The following SGIP1 variants were observed in gnomAD, a reference collection of about 807,000 sequenced individuals.
SGIP1 encodes SH3-containing GRB2-like protein 3-interacting protein 1.
In SGIP1, 38 loss-of-function variants were observed where a neutral mutation model predicts 107.5. The ratio of observed to expected loss-of-function variants is 0.35; its 90% CI spans 0.27 to 0.46. SGIP1 has a LOEUF of 0.46. Ranked by LOEUF, SGIP1 falls within the 20% of genes least tolerant of loss-of-function variation. SGIP1 has a pLI of 1.00. For synonymous variants in SGIP1, 365 were observed against 366.1 expected (o/e 1.00, Z 0.03); for missense variants, 929 against 1,019.5 (o/e 0.91, Z 1.21).
At chr1:66,557,636 T>G (rs938897181) in intron 1 of SGIP1, among the ~76,000 whole-genome samples, 2 of 151,880 alleles carry the variant, frequency 1.3e-5, no homozygotes, top group Non-Finnish European at 2.9e-5. Context: ...TAGGGAGGAG[T>G]AGGTAACGAA....
At chr1:66,725,305 T>C (rs1436348637) in intron 19 of SGIP1, among the ~76,000 whole-genome samples, 1 of 152,206 alleles carries the variant, frequency 6.6e-6, no homozygotes, top group East Asian at 1.9e-4. Flanking sequence ...TTAAGCTATT[T>C]TGAATGTATG....
chr1:66,541,915 T>G (rs78683273), intron 1 of SGIP1, among the ~76,000 whole-genome samples: 24,732 of 152,124 alleles, frequency 0.16, 2,187 homozygotes, highest in East Asian at 0.35. Context: ...ATGTCCCCCT[T>G]CTTCAGAAGC....
chr1:66,658,475 C>T (rs1227368020), intron 7 of SGIP1, among the ~76,000 whole-genome samples: 1 of 152,048 alleles, frequency 6.6e-6, no homozygotes, highest in Non-Finnish European at 1.5e-5. Flanking sequence ...ACTGAGGACA[C>T]ATAGCTTGTG....
At chr1:66,540,121 A>C (rs1230286512) in intron 1 of SGIP1, among the ~76,000 whole-genome samples, 1 of 152,256 alleles carries the variant, frequency 6.6e-6, no homozygotes, top group African/African-American at 2.4e-5. Flanking sequence ...AAAATGCTCA[A>C]ATATGTATTC....
chr1:66,582,807 A>T (rs200322294), intron 1 of SGIP1, among the ~76,000 whole-genome samples: 2 of 151,884 alleles, frequency 1.3e-5, no homozygotes, highest in East Asian at 3.9e-4. Flanking sequence ...CACCTTGAAC[A>T]ATTTAGGATT....
At chr1:66,676,155 T>C (rs1040383806) in intron 12 of SGIP1, among the ~76,000 whole-genome samples, 1 of 152,222 alleles carries the variant, frequency 6.6e-6, no homozygotes, top group Non-Finnish European at 1.5e-5. Flanking sequence ...ATCTCCACTT[T>C]ACACTAAAGG....
At chr1:66,702,389 G>C (rs1480076665) in intron 18 of SGIP1, among the ~76,000 whole-genome samples, 1 of 152,148 alleles carries the variant, frequency 6.6e-6, no homozygotes, top group African/African-American at 2.4e-5. Flanking sequence ...ACGTGATCTT[G>C]AGCATTTAAT....
At chr1:66,689,382 G>T in intron 16 of SGIP1, 107 bp downstream of exon 16, 2 of 1,388,272 alleles carry the variant, frequency 1.4e-6, no homozygotes, top group Non-Finnish European at 9.7e-7. Flanking sequence ...AAACAACCCT[G>T]ACAGGTGGCA....
At chr1:66,600,799 G>A (rs987620104) in intron 1 of SGIP1, among the ~76,000 whole-genome samples, 1 of 152,206 alleles carries the variant, frequency 6.6e-6, no homozygotes, top group Non-Finnish European at 1.5e-5. Flanking sequence ...GCAGGGGCAT[G>A]ACATGATTAG....
At chr1:66,625,530 C>T (rs11208931) in intron 1 of SGIP1, among the ~76,000 whole-genome samples, 22,575 of 152,220 alleles carry the variant, frequency 0.15, 2,197 homozygotes, top group East Asian at 0.46. Flanking sequence ...ATTTGGCTTC[C>T]TGGCAGAACC....
chr1:66,601,187 C>T (rs2065734237), intron 1 of SGIP1, among the ~76,000 whole-genome samples: 3 of 152,004 alleles, frequency 2.0e-5, no homozygotes, highest in South Asian at 2.1e-4. Context: ...CACGGTGAAA[C>T]CCCGTCTCTG....
intron 8 of SGIP1, among the ~76,000 whole-genome samples, chr1:66,661,431 G>A (rs552249166): frequency 6.6e-6 from 1 of 152,296 alleles, no homozygotes; most frequent in African/African-American, 2.4e-5. Flanking sequence ...AGGATACTGT[G>A]CTTACAGAAA....
At chr1:66,631,735 G>T (rs12021913) in intron 2 of SGIP1, among the ~76,000 whole-genome samples, 34,468 of 137,576 alleles carry the variant, frequency 0.25, 4,902 homozygotes, top group African/African-American at 0.4. Context: ...CTCTTCTCAC[G>T]GGCTCCCTGC....
chr1:66,581,956 T>C (rs756632458), intron 1 of SGIP1, among the ~76,000 whole-genome samples: 46 of 152,068 alleles, frequency 3.0e-4, no homozygotes, highest in Admixed American at 1.5e-3. Flanking sequence ...AGGAAAATTA[T>C]ACAAAAAGAA....
At chr1:66,590,695 A>C (rs1418775352) in intron 1 of SGIP1, 1 of 152,246 alleles carries the variant, frequency 6.6e-6, no homozygotes, top group Non-Finnish European at 1.5e-5. Context: ...AAAGACATAG[A>C]GGAATCTTAA....
At chr1:66,735,872 T>C (rs972847196) in intron 21 of SGIP1, among the ~76,000 whole-genome samples, 3 of 150,654 alleles carry the variant, frequency 2.0e-5, no homozygotes, top group African/African-American at 7.3e-5. Context: ...GATCGTGTGG[T>C]ATTGGTCTTT....
At chr1:66,689,395 T>A in intron 16 of SGIP1, 120 bp downstream of exon 16, 1 of 1,276,474 alleles carries the variant, frequency 7.8e-7, no homozygotes, top group Non-Finnish European at 1.1e-6. Flanking sequence ...AGGTGGCATC[T>A]GAAAGACAGT....
At chr1:66,631,099 G>GAAAGA (rs1451497965) in intron 2 of SGIP1, among the ~76,000 whole-genome samples, 1 of 134,126 alleles carries the variant, frequency 7.5e-6, no homozygotes, top group African/African-American at 2.6e-5. Context: ...AAGAAAGAAA[G>GAAAGA]AAAAAAAGAA....
chr1:66,619,583 G>A (rs1049640287), intron 1 of SGIP1, among the ~76,000 whole-genome samples: 2 of 152,174 alleles, frequency 1.3e-5, no homozygotes, highest in Admixed American at 1.3e-4. Flanking sequence ...TGATAGGAAG[G>A]TGACCATTCT....
Sources: gnomAD v4.1 joint callset for allele counts (sites outside exome capture counted in the v4.1 genomes callset) on GRCh38, gnomAD v4.1.1 for gene constraint, MANE v1.5 for transcripts, NCBI Gene and HGNC (gene_info 2026-07-23, HGNC 2026-07-21) for gene names.